The following CHRM3 variants were observed in gnomAD, a reference collection of about 807,000 sequenced individuals.
CHRM3 encodes the protein muscarinic acetylcholine receptor M3.
Under a neutral mutation model 41.8 loss-of-function variants are expected in CHRM3, and 11 were observed. The observed-to-expected ratio is 0.26, with a 90% CI of 0.17 to 0.44. CHRM3 has a LOEUF of 0.44. Among genes scored for constraint, CHRM3 ranks in the 20% least tolerant of loss-of-function variants. The pLI, the probability that CHRM3 is intolerant of heterozygous loss-of-function variation, is 1.00. For synonymous variants in CHRM3, 297 were observed against 301.4 expected (o/e 0.99, Z 0.15); for missense variants, 571 against 745.4 (o/e 0.77, Z 2.72).
At chr1:239,447,447 T>G (rs564618306) in intron 1 of CHRM3, among the ~76,000 whole-genome samples, 3 of 152,178 alleles carry the variant, frequency 2.0e-5, no homozygotes, top group East Asian at 1.9e-4. Flanking sequence ...GAAAATAAAT[T>G]GCATGTTTTA....
intron 5 of CHRM3, among the ~76,000 whole-genome samples, chr1:239,697,010 C>A (rs1660257243): frequency 6.6e-6 from 1 of 152,164 alleles, no homozygotes; most frequent in African/African-American, 2.4e-5. Context: ...CAGGGAATAA[C>A]TATAGTAAGC....
At chr1:239,591,422 C>CT (rs1292617158) in intron 3 of CHRM3, among the ~76,000 whole-genome samples, 1 of 152,122 alleles carries the variant, frequency 6.6e-6, no homozygotes, top group African/African-American at 2.4e-5. Flanking sequence ...TTGCCTATAG[C>CT]TGGAATCACC....
chr1:239,409,713 T>A (rs1395128216), intron 1 of CHRM3, among the ~76,000 whole-genome samples: 2 of 152,106 alleles, frequency 1.3e-5, no homozygotes, highest in Admixed American at 1.3e-4. Context: ...GAGGCCGAGG[T>A]GGGCGGATCA....
chr1:239,898,316 C>G (rs1224300340), intron 6 of CHRM3: 1 of 152,234 alleles, frequency 6.6e-6, no homozygotes, highest in Non-Finnish European at 1.5e-5. Context: ...TTCTCCGAGT[C>G]TGCTTTGCCA....
chr1:239,464,525 C>A (rs1665587715), intron 1 of CHRM3, among the ~76,000 whole-genome samples: 1 of 152,120 alleles, frequency 6.6e-6, no homozygotes, highest in African/African-American at 2.4e-5. Flanking sequence ...TCATAAACAA[C>A]CTTACTCTGC....
At chr1:239,746,273 C>T (rs1038715617) in intron 5 of CHRM3, among the ~76,000 whole-genome samples, 4 of 152,174 alleles carry the variant, frequency 2.6e-5, no homozygotes, top group African/African-American at 4.8e-5. Context: ...TTAATAGATA[C>T]TGAGTGTAAA....
intron 2 of CHRM3, among the ~76,000 whole-genome samples, chr1:239,539,050 C>T (rs1382003708): frequency 6.6e-6 from 1 of 152,080 alleles, no homozygotes; most frequent in Non-Finnish European, 1.5e-5. Context: ...ACCATTTGCC[C>T]CAGGCCCACC....
At chr1:239,901,597 A>G (rs183704634) in intron 6 of CHRM3, among the ~76,000 whole-genome samples, 73 of 152,226 alleles carry the variant, frequency 4.8e-4, no homozygotes, top group African/African-American at 1.7e-3. Flanking sequence ...TGTAAACTAA[A>G]TTTTATCGTG....
intron 1 of CHRM3, among the ~76,000 whole-genome samples, chr1:239,448,326 A>AT (rs200059110): frequency 0.014 from 2,081 of 152,308 alleles, 55 homozygotes; most frequent in African/African-American, 0.045. Flanking sequence ...CACTTTCTAG[A>AT]TTGGAGGAGT....
intron 1 of CHRM3, among the ~76,000 whole-genome samples, chr1:239,388,669 T>C (rs545460608): frequency 1.6e-4 from 25 of 152,318 alleles, no homozygotes; most frequent in African/African-American, 5.8e-4. Flanking sequence ...ACTAAGGTAT[T>C]TCTGTTCCAA....
chr1:239,778,778 C>T (rs958245765), intron 5 of CHRM3, among the ~76,000 whole-genome samples: 1 of 152,164 alleles, frequency 6.6e-6, no homozygotes, highest in Non-Finnish European at 1.5e-5. Context: ...CCTGTAATTC[C>T]TCTCTTTGGA....
At chr1:239,655,029 T>C (rs970173163) in intron 4 of CHRM3, among the ~76,000 whole-genome samples, 1 of 152,226 alleles carries the variant, frequency 6.6e-6, no homozygotes, top group Non-Finnish European at 1.5e-5. Context: ...CATCTTTAGA[T>C]ATGTTTTTTA....
intron 1 of CHRM3, among the ~76,000 whole-genome samples, chr1:239,468,201 T>C (rs554344665): frequency 6.6e-6 from 1 of 152,284 alleles, no homozygotes; most frequent in Admixed American, 6.5e-5. Flanking sequence ...CTCAATAGAC[T>C]CTCACTGGCA....
At chr1:239,707,941 A>T (rs1661351696) in intron 5 of CHRM3, among the ~76,000 whole-genome samples, 2 of 152,236 alleles carry the variant, frequency 1.3e-5, no homozygotes, top group African/African-American at 4.8e-5. Context: ...TCATTTATGA[A>T]TACTATTTTA....
At chr1:239,894,891 C>T (rs7532278) in intron 6 of CHRM3, among the ~76,000 whole-genome samples, 8,562 of 152,200 alleles carry the variant, frequency 0.056, 740 homozygotes, top group African/African-American at 0.18. Flanking sequence ...TGAAGTCTCA[C>T]GGCTCATAAG....
At chr1:239,743,787 TC>T (rs372315671) in intron 5 of CHRM3, among the ~76,000 whole-genome samples, 11 of 140,208 alleles carry the variant, frequency 7.8e-5, no homozygotes, top group East Asian at 2.0e-4. Context: ...CTTTTTTTTT[TC>T]TTTTTTTTTT....
At chr1:239,402,260 T>A (rs765213190) in intron 1 of CHRM3, among the ~76,000 whole-genome samples, 1 of 152,158 alleles carries the variant, frequency 6.6e-6, no homozygotes, top group Non-Finnish European at 1.5e-5. Context: ...CAGACTTGAA[T>A]CCTTCTGAAT....
intron 2 of CHRM3, among the ~76,000 whole-genome samples, chr1:239,534,125 C>G (rs372023918): frequency 9.2e-5 from 14 of 152,206 alleles, no homozygotes; most frequent in African/African-American, 3.1e-4. Flanking sequence ...GTCAGGAGTT[C>G]GAGACCAGCC....
chr1:239,429,784 T>C (rs946337157), intron 1 of CHRM3, among the ~76,000 whole-genome samples: 1 of 85,338 alleles, frequency 1.2e-5, no homozygotes, highest in South Asian at 4.1e-4. Flanking sequence ...TCGTAGGGAG[T>C]TTTTTTTTTT....
Sources: allele counts gnomAD v4.1 joint callset (sites outside exome capture counted in the v4.1 genomes callset), GRCh38; gene constraint gnomAD v4.1.1; transcripts MANE v1.5; gene names NCBI Gene and HGNC (gene_info 2026-07-23, HGNC 2026-07-21).